Variants in CFHR5 observed in about 807,000 individuals in gnomAD.
CFHR5 encodes the protein complement factor H-related protein 5.
In CFHR5, 73 loss-of-function variants were observed where a neutral mutation model predicts 62.9. The ratio of observed to expected loss-of-function variants is 1.16; its 90% CI spans 0.96 to 1.41. CFHR5 has a LOEUF of 1.41. Among genes scored for constraint, CFHR5 ranks in the 40% most tolerant of loss-of-function variants. The probability of loss-of-function intolerance (pLI) is 0.00; values close to 1 mark genes in which losing one functional copy is unlikely to be tolerated. For missense variants in CFHR5, 779 were observed against 679.9 expected, an observed-to-expected ratio of 1.15 and a Z score of -1.62; for synonymous variants, 249 against 227.2, an observed-to-expected ratio of 1.10 and a Z score of -0.86.
At chr1:196,986,268 G>A (rs145567823) in intron 3 of CFHR5, among the ~76,000 whole-genome samples, 9 of 152,140 alleles carry the variant, frequency 5.9e-5, no homozygotes, top group East Asian at 1.9e-4. Flanking sequence ...TTAGTATGGC[G>A]TCATCTCTGG....
At chr1:197,003,171 G>A (rs1654196300) in intron 8 of CFHR5, among the ~76,000 whole-genome samples, 1 of 152,134 alleles carries the variant, frequency 6.6e-6, no homozygotes, top group South Asian at 2.1e-4. Context: ...ATGCAACCTA[G>A]GTCCCTTGCA....
chr1:196,997,892 T>A (rs1654036351), intron 6 of CFHR5, among the ~76,000 whole-genome samples: 1 of 152,184 alleles, frequency 6.6e-6, no homozygotes, highest in African/African-American at 2.4e-5. Flanking sequence ...GGAAAACCTA[T>A]CTTGCACTTT....
At chr1:197,006,826 A>G (rs1429690516) in intron 9 of CFHR5, among the ~76,000 whole-genome samples, 2 of 151,998 alleles carry the variant, frequency 1.3e-5, no homozygotes, top group Non-Finnish European at 2.9e-5. Flanking sequence ...GTTTTTTGAC[A>G]TAGCATCTTT....
At position 197,008,560 on chromosome 1, in the gene CFHR5, C is replaced by T. The variant is rs1418077927; in HGVS notation, c.1587C>T (p.Leu529=). 3 of 1,613,298 alleles carry T rather than the reference C, an allele frequency of 1.9e-6. No homozygotes were observed. The African/African-American group carries it at 4.0e-5, about 22-fold the overall frequency. ...IQLKWRNDGK[L]YAKTGDAVEF... Reference sequence around the variant, plus strand: ...TAAAATGGAGAAACGATGGAAAACTCTATGCAAAAACAGGGGATGCTGTTG... The same window carrying T: ...TAAAATGGAGAAACGATGGAAAACTTTATGCAAAAACAGGGGATGCTGTTG... Residue 529 remains leucine (L), a synonymous_variant, in exon 10 of 10, where the codon CTC becomes CTT. Coordinates refer to ENST00000256785, the MANE Select transcript of CFHR5 (RefSeq NM_030787.4).
In CFHR5 at chr1:197,002,497, T is replaced by G; in HGVS notation, c.1163T>G (p.Phe388Cys). Residue 388 changes from phenylalanine (F) to cysteine (C), a missense_variant, in exon 8 of 10, where the codon TTC (phenylalanine) becomes TGC (cysteine). Physicochemically the swap from Phe to Cys is radical, Grantham distance 205. Transcript: ENST00000256785. ...EVDCTEKREQ[F>C]CPPPPQIPNA... ...TATTTTGTAGAAAAAAGGGAACAAT[T>G]CTGCCCACCGCCACCTCAGATACCT... is the stretch of plus-strand genomic sequence containing the variant. 1 of 1,613,210 alleles carries G rather than the reference T, an allele frequency of 6.2e-7. No homozygotes were observed. The highest frequency in any genetic ancestry group is 2.2e-5 in the East Asian group (1 of 44,808).
At chr1:197,002,199 A>G (rs1654171336) in intron 7 of CFHR5, among the ~76,000 whole-genome samples, 1 of 152,186 alleles carries the variant, frequency 6.6e-6, no homozygotes. Context: ...AAATTATACA[A>G]GAGAATTGAC....
At position 196,994,132 on chromosome 1, in the gene CFHR5, A is replaced by T; in HGVS notation, c.483A>T (p.Lys161Asn). Residue 161 changes from lysine to asparagine, a missense_variant, in exon 4 of 10, where the codon AAA becomes AAT. By Grantham distance (94) the Lys-to-Asn change is moderately conservative. Transcript: ENST00000256785. ...ILEANVDAQP[K>N]KESYKVGDVL... ...AAGCCAATGTAGATGCTCAGCCAAA[A>T]AAAGAAAGCTACAAAGTTGGAGACG... is the stretch of plus-strand genomic sequence containing the variant. 6.2e-7 allele frequency: 1 copy of T among 1,613,690 alleles called. No individual in the cohort carries two copies.
Position 197,002,388 on chromosome 1 carries a change from TCATTGAATCTTC to T in CFHR5, c.1148-89_1148-78del, listed in dbSNP as rs1412939999. The T allele has an allele frequency of 3.7e-6, 3 of 808,938 alleles. No homozygotes were observed. In the Admixed American group the frequency reaches 6.0e-5, roughly 16 times the overall value. The allele number at this position is 808,938 out of a possible 1,614,324, so 50.1% of individuals were successfully genotyped here. ...GATAGAGAGACATAGTGTGTGTGTGTCATTGAATCTTCCATTTTCCTGAAACACTACCCTATT... is the reference window on the plus strand; with the variant it reads ...GATAGAGAGACATAGTGTGTGTGTGTCATTTTCCTGAAACACTACCCTATT... On this transcript the variant is annotated intron_variant, in intron 7 of 9. Coordinates refer to ENST00000256785, the MANE Select transcript of CFHR5 (RefSeq NM_030787.4).
At chr1:196,985,623 T>C (rs1653666062) in intron 3 of CFHR5, among the ~76,000 whole-genome samples, 1 of 152,188 alleles carries the variant, frequency 6.6e-6, no homozygotes, top group Non-Finnish European at 1.5e-5. Flanking sequence ...GTTCATGTCA[T>C]GAACAAGCTC....
chr1:196,996,938 C>T (rs1461175521), intron 6 of CFHR5, among the ~76,000 whole-genome samples: 1 of 152,058 alleles, frequency 6.6e-6, no homozygotes, highest in African/African-American at 2.4e-5. Flanking sequence ...CTTGCAGCCT[C>T]AGGACTTCCA....
chr1:197,007,769 AT>A (rs1654328290), intron 9 of CFHR5, among the ~76,000 whole-genome samples: 1 of 147,412 alleles, frequency 6.8e-6, no homozygotes, highest in Admixed American at 6.8e-5. Flanking sequence ...TACATATAAT[AT>A]GTTATGTATA....
At chr1:197,005,263 C>T (rs1045823594) in intron 9 of CFHR5, among the ~76,000 whole-genome samples, 3 of 152,080 alleles carry the variant, frequency 2.0e-5, no homozygotes, top group African/African-American at 4.8e-5. Context: ...TAGTAGAACA[C>T]CTAGTTGACT....
At chr1:196,995,572 C>T in intron 4 of CFHR5, 145 bp from the exon 5 acceptor site, 2 of 692,282 alleles carry the variant, frequency 2.9e-6, no homozygotes, top group Non-Finnish European at 2.6e-6. Context: ...AGTCAATACA[C>T]TATGTACACT....
At chr1:196,998,762 AAGG>A (rs2125036779) in intron 7 of CFHR5, among the ~76,000 whole-genome samples, 1 of 152,158 alleles carries the variant, frequency 6.6e-6, no homozygotes, top group African/African-American at 2.4e-5. Flanking sequence ...ACATTCCTCG[AAGG>A]CTTATATTCA....
In CFHR5 at chr1:196,988,295, T is replaced by C. The variant is rs138721096; in HGVS notation, c.430+4158T>C. On this transcript the variant is annotated intron_variant, in intron 3 of 9. Coordinates refer to ENST00000256785, the MANE Select transcript of CFHR5 (RefSeq NM_030787.4). The stretch of plus-strand genomic sequence containing the variant: ...CTGAGACGATGGGGTTTTCTAAATA[T>C]ACAATCATGTCATCTGCAAACAGCA... 7.6e-4 allele frequency among the ~76,000 whole-genome samples: 115 copies of C among 152,304 alleles called. 1 individual carries two copies. The East Asian group carries it at 0.02, about 27-fold the overall frequency.
intron 1 of CFHR5, among the ~76,000 whole-genome samples, chr1:196,981,524 GA>G (rs1653540210): frequency 6.6e-6 from 1 of 150,974 alleles, no homozygotes. Flanking sequence ...ATATACACAA[GA>G]AAAAATAGAG....
At chr1:197,000,761 C>A (rs900788064) in intron 7 of CFHR5, among the ~76,000 whole-genome samples, 6 of 152,004 alleles carry the variant, frequency 3.9e-5, no homozygotes, top group Non-Finnish European at 2.9e-5. Context: ...ATCTTTGTGA[C>A]TATGTATTTA....
At chr1:197,004,628 A>G (rs1399668841) in intron 8 of CFHR5, 33 bp from the exon 9 acceptor site, 4 of 1,552,282 alleles carry the variant, frequency 2.6e-6, no homozygotes, top group Middle Eastern at 1.7e-4. Flanking sequence ...TTAAACTAAC[A>G]TAATGTCTCA....
intron 2 of CFHR5, among the ~76,000 whole-genome samples, 156 bp downstream of exon 2, chr1:196,983,235 G>A (rs1172598208): frequency 1.3e-5 from 2 of 152,172 alleles, no homozygotes; most frequent in Non-Finnish European, 2.9e-5. Context: ...CCCCTCCTAT[G>A]AGAATCAATG....
Sources: allele counts gnomAD v4.1 joint callset (sites outside exome capture counted in the v4.1 genomes callset), GRCh38; gene constraint gnomAD v4.1.1; transcripts MANE v1.5; gene names NCBI Gene and HGNC (gene_info 2026-07-23, HGNC 2026-07-21).